The following ADSL variants were observed in gnomAD, a reference collection of about 807,000 sequenced individuals.
The protein encoded by ADSL is adenylosuccinase.
ADSL carries 44 observed loss-of-function variants against 62.1 expected under a neutral mutation model. That is an observed-to-expected ratio of 0.71 (90% CI 0.56 to 0.91). The LOEUF is 0.91. Ranked by LOEUF, ADSL falls within the 40% of genes least tolerant of loss-of-function variation. The pLI is 0.00. For missense variants in ADSL, 531 were observed against 627.4 expected (o/e 0.85, Z 1.64); for synonymous variants, 198 against 220.5 (o/e 0.90, Z 0.90).
intron 2 of ADSL, among the ~76,000 whole-genome samples, chr22:40,377,085 C>T (rs2046753684): frequency 6.6e-6 from 1 of 152,192 alleles, no homozygotes; most frequent in South Asian, 2.1e-4. Flanking sequence ...TGAAGCATCA[C>T]ATTTTGAGAA....
chr22:40,364,178 T>C (rs2044905794), intron 10 of ADSL, 98 bp from the exon 11 acceptor site: 1 of 871,924 alleles, frequency 1.1e-6, no homozygotes, highest in Non-Finnish European at 1.9e-6. Context: ...ATGTGGTAGT[T>C]AGTGTCTGTG....
intron 2 of ADSL, chr22:40,352,021 T>C (rs2044365757): frequency 6.6e-6 from 1 of 152,150 alleles, no homozygotes; most frequent in Non-Finnish European, 1.5e-5. Flanking sequence ...GCGAGTCAGA[T>C]AGTGGGAGAA....
chr22:40,378,079 A>G (rs1309486007), intron 2 of ADSL: 1 of 152,202 alleles, frequency 6.6e-6, no homozygotes, highest in Non-Finnish European at 1.5e-5. Flanking sequence ...AGATACATCC[A>G]CTAAATTGTT....
chr22:40,383,982 C>A (rs377724808), intron 2 of ADSL, among the ~76,000 whole-genome samples: 1 of 152,320 alleles, frequency 6.6e-6, no homozygotes, highest in South Asian at 2.1e-4. Context: ...GGCATCATGG[C>A]TCATGCCTGT....
chr22:40,370,983 C>T (rs934050854), downstream of ADSL, among the ~76,000 whole-genome samples: 14 of 152,372 alleles, frequency 9.2e-5, no homozygotes, highest in African/African-American at 2.6e-4. Flanking sequence ...CCGGAATCCA[C>T]CGCGCTGGCA....
Position 40,360,474 on chromosome 22 carries a change from G to A in ADSL, c.774G>A (p.Leu258=), listed in dbSNP as rs78915065. 1.9e-6 allele frequency: 3 copies of A among 1,613,880 alleles called. No homozygotes were observed. The highest frequency in any genetic ancestry group is 1.1e-5 in the South Asian group (1 of 91,080). The change falls in exon 7 of 13, where the codon TTG becomes TTA. Residue 258 remains leucine (L), a synonymous_variant. Coordinates refer to ENST00000623063, the MANE Select transcript of ADSL (RefSeq NM_000026.4). ...AAGTACTGTCTGTGCTGGCTAGCTT[G>A]GGGGCATCAGTGCACAAGGTGAGTG... ...DIEVLSVLAS[L]GASVHKICTD...
chr22:40,370,882 C>G (rs984301654), downstream of ADSL, among the ~76,000 whole-genome samples: 1 of 152,072 alleles, frequency 6.6e-6, no homozygotes, highest in Non-Finnish European at 1.5e-5. Context: ...GAATGGGGGC[C>G]GGGGACGCGG....
At chr22:40,362,364 C>G (rs774306508) in intron 9 of ADSL, among the ~76,000 whole-genome samples, 1 of 152,176 alleles carries the variant, frequency 6.6e-6, no homozygotes, top group Non-Finnish European at 1.5e-5. Context: ...TGAACTCATT[C>G]AGAAGTCAGC....
chr22:40,376,783 GT>G (rs533738501), intron 2 of ADSL, among the ~76,000 whole-genome samples: 8 of 151,614 alleles, frequency 5.3e-5, no homozygotes, highest in African/African-American at 9.7e-5. Flanking sequence ...ATAGTTTTTT[GT>G]TTTTTTTAAT....
chr22:40,373,976 T>C (rs1034106958), downstream of ADSL, among the ~76,000 whole-genome samples: 2 of 149,638 alleles, frequency 1.3e-5, no homozygotes, highest in African/African-American at 5.0e-5. Context: ...TGAGACGGAG[T>C]CTCCCTCTGT....
chr22:40,352,407 A>T (rs1025948456), intron 2 of ADSL, among the ~76,000 whole-genome samples: 5 of 152,132 alleles, frequency 3.3e-5, no homozygotes, highest in Non-Finnish European at 7.4e-5. Context: ...GGGTGCCTGT[A>T]GTCCCAGCTA....
At chr22:40,360,367 A>G in intron 6 of ADSL, 35 bp from the exon 7 acceptor site, 1 of 1,575,448 alleles carries the variant, frequency 6.3e-7, no homozygotes, top group Non-Finnish European at 8.7e-7. Flanking sequence ...GCTTTAAAAT[A>G]TTTTAACCTA....
intron 2 of ADSL, among the ~76,000 whole-genome samples, chr22:40,352,658 CTTAA>C (rs1336052495): frequency 1.3e-5 from 2 of 152,116 alleles, no homozygotes; most frequent in Non-Finnish European, 2.9e-5. Flanking sequence ...GTCATTTTTT[CTTAA>C]TTGAGAATTT....
intron 9 of ADSL, 129 bp downstream of exon 9, chr22:40,361,764 G>T: frequency 7.9e-7 from 1 of 1,265,794 alleles, no homozygotes. Context: ...GTCTAGCAGG[G>T]AGGCAAAAAC....
chr22:40,360,972 A>G, intron 7 of ADSL: 1 of 421,854 alleles, frequency 2.4e-6, no homozygotes, highest in Non-Finnish European at 4.5e-6. Flanking sequence ...AAATGCTGGG[A>G]TTACAGGTGT....
In ADSL at chr22:40,346,503, T is replaced by C; in HGVS notation, c.-56T>C. 6.4e-7 allele frequency: 1 copy of C among 1,551,852 alleles called. No individual in the cohort carries two copies. The highest frequency in any genetic ancestry group is 8.7e-7 in the Non-Finnish European group (1 of 1,151,516). The stretch of plus-strand genomic sequence containing the variant: ...GCCCCGTCCTGCCCTGGCCTCCAGG[T>C]TTCCGCTTCCGCTCTTCCCTGGTCC... On this transcript the variant is annotated 5_prime_UTR_variant, in exon 1 of 13. Transcript: ENST00000623063.
rs2044144196 is a variant in ADSL, at chr22:40,346,541, C to CG, written c.-14dup. On this transcript the variant is annotated 5_prime_UTR_variant, in exon 1 of 13. Transcript: ENST00000623063. ...TCTTCCCTGGTCCAGTCCACCCTGG[C>CG]GGGGTCGCAGGGTTGGGATGGCGGC... 6.3e-7 allele frequency: 1 copy of CG among 1,597,860 alleles called. No individual in the cohort carries two copies. Among genetic ancestry groups the CG allele is most frequent in the Non-Finnish European group, 8.5e-7 (1 of 1,174,858 alleles).
Position 40,366,618 on chromosome 22 carries a change from T to A in ADSL, c.*96T>A. 1 of 886,842 alleles carries A rather than the reference T, an allele frequency of 1.1e-6. No individual in the cohort carries two copies. The highest frequency in any genetic ancestry group is 1.4e-5 in the South Asian group (1 of 72,368). The allele number at this position is 886,842 out of a possible 1,614,324, so 54.9% of individuals were successfully genotyped here. On this transcript the variant is annotated 3_prime_UTR_variant, in exon 13 of 13. Transcript: ENST00000623063. Reference sequence around the variant, plus strand: ...TATTTTACCTCGAGAATTGTTACCTTAAATTAGTACAGCACTTTCTTCTTC... The same window carrying A: ...TATTTTACCTCGAGAATTGTTACCTAAAATTAGTACAGCACTTTCTTCTTC...
At chr22:40,373,543 A>G (rs1280455269), downstream of ADSL, 2 of 152,246 alleles carry the variant, frequency 1.3e-5, no homozygotes, top group Non-Finnish European at 2.9e-5. Context: ...CAGGTAGTTT[A>G]GAGATTAATG....
Sources: gnomAD v4.1 joint callset for allele counts (sites outside exome capture counted in the v4.1 genomes callset) on GRCh38, gnomAD v4.1.1 for gene constraint, MANE v1.5 for transcripts, NCBI Gene and HGNC (gene_info 2026-07-23, HGNC 2026-07-21) for gene names.